The following PCDHGB2 variants were observed in gnomAD, a reference collection of about 807,000 sequenced individuals.
PCDHGB2 encodes protocadherin gamma-B2.
A neutral mutation model predicts 59.3 loss-of-function variants in PCDHGB2; 55 were observed. The ratio of observed to expected loss-of-function variants is 0.93; its 90% confidence interval spans 0.75 to 1.16. PCDHGB2 has a LOEUF of 1.16. Ranked by LOEUF, PCDHGB2 falls within the 50% of genes most tolerant of loss-of-function variation. The probability of loss-of-function intolerance (pLI) is 0.00; values close to 1 mark genes in which losing one functional copy is unlikely to be tolerated. For missense variants in PCDHGB2, 1,228 were observed against 1,198.5 expected (o/e 1.02, Z -0.36); for synonymous variants, 516 against 512.0 (o/e 1.01, Z -0.11).
intron 1 of PCDHGB2, chr5:141,394,070 T>C: frequency 6.2e-7 from 1 of 1,613,848 alleles, no homozygotes; most frequent in Non-Finnish European, 8.5e-7. Context: ...CTATCTACAA[T>C]ATCACAGTGA....
chr5:141,475,955 C>A, intron 1 of PCDHGB2: 1 of 800,218 alleles, frequency 1.2e-6, no homozygotes, highest in Non-Finnish European at 1.9e-6. Flanking sequence ...TTCTGCGCCC[C>A]GGGATGAGGC....
rs779459928 is a variant in PCDHGB2, at chr5:141,375,433, C to G, written c.2421+12877C>G. 39 of 1,613,898 alleles carry G rather than the reference C, an allele frequency of 2.4e-5. No homozygotes were observed. The South Asian group carries it at 4.3e-4, about 18-fold the overall frequency. ...TGGCAGACACCAACGACAACCCGCC[C>G]ACCTTCCCCCATTCATCCTACTCAG... On this transcript the variant is annotated intron_variant, in intron 1 of 3. Coordinates refer to ENST00000522605, the MANE Select transcript of PCDHGB2 (RefSeq NM_018923.3).
intron 1 of PCDHGB2, chr5:141,399,438 T>C (rs2093809569): frequency 1.2e-6 from 2 of 1,613,996 alleles, no homozygotes; most frequent in Admixed American, 1.7e-5. Flanking sequence ...TCATCCTACA[T>C]ATCAGAGACG....
At position 141,478,334 on chromosome 5, in the gene PCDHGB2, C is replaced by T. The variant is rs1303200872; in HGVS notation, c.2422-16473C>T. 2.5e-6 allele frequency: 4 copies of T among 1,613,944 alleles called. No individual in the cohort carries two copies. The highest frequency in any genetic ancestry group is 3.4e-6 in the Non-Finnish European group (4 of 1,180,016). ...GAGCTCACTGTACCGAACACCAGGG[C>T]CCTCCTTGCACGCGGACGCCGTGCG... On this transcript the variant is annotated intron_variant, in intron 1 of 3. Coordinates refer to ENST00000522605, the MANE Select transcript of PCDHGB2 (RefSeq NM_018923.3).
Position 141,414,991 on chromosome 5 carries a change from G to A in PCDHGB2, c.2421+52435G>A, listed in dbSNP as rs1162432290. ...GGTGGACAGAGACTCCGGCCAGAAC[G>A]CCTGGCTGTCCTACCGTCTGCTCAA... On this transcript the variant is annotated intron_variant, in intron 1 of 3. Transcript: ENST00000522605. 10 of 1,613,648 alleles carry A rather than the reference G, an allele frequency of 6.2e-6. No homozygotes were observed. The Admixed American group carries it at 1.2e-4, about 19-fold the overall frequency.
Position 141,490,311 on chromosome 5 carries a change from C to T in PCDHGB2, c.2422-4496C>T. 6.2e-7 allele frequency: 1 copy of T among 1,614,200 alleles called. No individual in the cohort carries two copies. The highest frequency in any genetic ancestry group is 8.5e-7 in the Non-Finnish European group (1 of 1,180,018). On this transcript the variant is annotated intron_variant, in intron 1 of 3. Coordinates refer to ENST00000522605, the MANE Select transcript of PCDHGB2 (RefSeq NM_018923.3). This position sits in a 1 kb window ranked among gnomAD's most constrained non-coding sequence, Gnocchi z 5.4. ...AGGTGCTATTGGCCTCTTTGGCCAA[C>T]CCTGTCCTAGAGAGCACACCAGTGG...
rs531855306 is a variant in PCDHGB2 at position 141,422,110 on chromosome 5, T to C, written c.2421+59554T>C. 230 of 1,606,626 alleles carry C rather than the reference T, an allele frequency of 1.4e-4. 6 individuals carry two copies. The South Asian group carries it at 2.5e-3, about 17-fold the overall frequency. On this transcript the variant is annotated intron_variant, in intron 1 of 3. Coordinates refer to ENST00000522605, the MANE Select transcript of PCDHGB2 (RefSeq NM_018923.3). The stretch of plus-strand genomic sequence containing the variant: ...AAGCAAGGCTTCTGAAATATTCCAA[T>C]TGGATTCACAAACTGGAGAAGTTCA...
At chr5:141,427,808 G>C (rs756554301) in intron 1 of PCDHGB2, 1 of 1,522,948 alleles carries the variant, frequency 6.6e-7, no homozygotes, top group Non-Finnish European at 9.0e-7. Context: ...TGAGCGCACA[G>C]AGCGGGGTGG....
At chr5:141,372,631 G>C (rs1768931705) in intron 1 of PCDHGB2, 1 of 1,613,884 alleles carries the variant, frequency 6.2e-7, no homozygotes, top group Non-Finnish European at 8.5e-7. Context: ...TACAGCGAAA[G>C]GACTTTGCCT....
intron 1 of PCDHGB2, chr5:141,398,283 G>A (rs1470207042): frequency 7.2e-7 from 1 of 1,396,846 alleles, no homozygotes; most frequent in East Asian, 2.5e-5. Context: ...ACCTCGCCAC[G>A]GACCTGGGGT....
At chr5:141,509,032 A>G (rs2099873869) in intron 3 of PCDHGB2, among the ~76,000 whole-genome samples, 1 of 151,488 alleles carries the variant, frequency 6.6e-6, no homozygotes, top group African/African-American at 2.4e-5. Flanking sequence ...CTCCCACTCA[A>G]CCCCTCTCCC....
intron 1 of PCDHGB2, among the ~76,000 whole-genome samples, chr5:141,443,690 A>C (rs2098399415): frequency 6.6e-6 from 1 of 152,224 alleles, no homozygotes; most frequent in Non-Finnish European, 1.5e-5. Flanking sequence ...AACACTTCAA[A>C]AATTATAGAA....
chr5:141,492,043 TC>T (rs1323524482), intron 1 of PCDHGB2: 5 of 518,152 alleles, frequency 9.6e-6, no homozygotes, highest in Non-Finnish European at 1.7e-5. Context: ...CAGTCACAGA[TC>T]CACCCCTGCA....
At chr5:141,371,895 C>T (rs1561553190) in intron 1 of PCDHGB2, 1 of 1,613,450 alleles carries the variant, frequency 6.2e-7, no homozygotes. Context: ...GCCGCGGGAG[C>T]TGTCGTCCTA....
At chr5:141,378,315 G>A (rs933879461) in intron 1 of PCDHGB2, 5 of 152,248 alleles carry the variant, frequency 3.3e-5, no homozygotes, top group African/African-American at 1.2e-4. Context: ...ACGAAGTCAG[G>A]AGTTCGAGAC....
chr5:141,405,553 T>G, intron 1 of PCDHGB2: 1 of 619,004 alleles, frequency 1.6e-6, no homozygotes, highest in Non-Finnish European at 2.8e-6. Flanking sequence ...CCAAGTAGAG[T>G]AGCTGGGACT....
chr5:141,413,235 C>A, intron 1 of PCDHGB2: 1 of 1,613,954 alleles, frequency 6.2e-7, no homozygotes, highest in Non-Finnish European at 8.5e-7. Context: ...TGGTCCTGCT[C>A]TGCCTTTTCT....
Position 141,431,435 on chromosome 5 carries a change from G to T in PCDHGB2, c.2422-63372G>T. On this transcript the variant is annotated intron_variant, in intron 1 of 3. Coordinates refer to ENST00000522605, the MANE Select transcript of PCDHGB2 (RefSeq NM_018923.3). This position sits in a 1 kb window ranked among gnomAD's most constrained non-coding sequence, Gnocchi z 4.8. The stretch of plus-strand genomic sequence containing the variant: ...GGGCGACCCGGTGCGCACAGGCACC[G>T]CGCGCATCCGCGTGATGGTTCTGGA... The T allele has an allele frequency of 6.2e-7, 1 of 1,613,668 alleles. No individual in the cohort carries two copies. Among genetic ancestry groups the T allele is most frequent in the Non-Finnish European group, 8.5e-7 (1 of 1,180,026 alleles).
intron 1 of PCDHGB2, chr5:141,395,075 C>A: frequency 6.2e-7 from 1 of 1,614,124 alleles, no homozygotes; most frequent in Non-Finnish European, 8.5e-7. Context: ...AGACCTATTC[C>A]CAGGAAGTCT....
Sources: allele counts gnomAD v4.1 joint callset (sites outside exome capture counted in the v4.1 genomes callset), GRCh38; gene constraint gnomAD v4.1.1; non-coding constraint Gnocchi (gnomAD v3.1); transcripts MANE v1.5; gene names NCBI Gene and HGNC (gene_info 2026-07-23, HGNC 2026-07-21).